GALNT13: variants seen among roughly 807,000 people sequenced by gnomAD.
The protein encoded by GALNT13 is polypeptide N-acetylgalactosaminyltransferase 13, also known as UDP-GalNAc:polypeptide N-acetylgalactosaminyltransferase 13.
GALNT13 carries 28 observed loss-of-function variants against 64.2 expected under a neutral mutation model. The observed-to-expected ratio is 0.44, with a 90% CI of 0.32 to 0.60. GALNT13 has a LOEUF of 0.60. Ranked by LOEUF, GALNT13 falls within the 20% of genes least tolerant of loss-of-function variation. The probability of loss-of-function intolerance (pLI) is 0.05; values close to 1 mark genes in which losing one functional copy is unlikely to be tolerated. For synonymous variants in GALNT13, 214 were observed against 224.6 expected, an observed-to-expected ratio of 0.95 and a Z score of 0.42; for missense variants, 577 against 669.8, an observed-to-expected ratio of 0.86 and a Z score of 1.53.
At chr2:153,749,190 T>A in the GALNT13 span, among the ~76,000 whole-genome samples, 15 of 152,020 alleles carry the variant, frequency 9.9e-5, no homozygotes, top group African/African-American at 3.6e-4. Context: ...TTGGTCTATG[T>A]GTCTGTTTTC....
chr2:154,434,250 G>A (rs1433443220), intron 11 of GALNT13, among the ~76,000 whole-genome samples: 1 of 152,162 alleles, frequency 6.6e-6, no homozygotes, highest in Non-Finnish European at 1.5e-5. Context: ...TTATTACAGT[G>A]ATTAGTTTGT....
rs546144144 is a variant in GALNT13 at position 154,049,797 on chromosome 2, C to T, written c.143-90540C>T. 3.9e-5 allele frequency among the ~76,000 whole-genome samples: 6 copies of T among 151,974 alleles called. No homozygotes were observed. The East Asian group carries it at 1.2e-3, about 29-fold the overall frequency. On this transcript the variant is annotated intron_variant, in intron 3 of 12. Transcript: ENST00000392825. The stretch of plus-strand genomic sequence containing the variant: ...GGTTGTCTATTACTGATTATGTAGT[C>T]TCTAAGAAATCTTTTTCTTTTGTTG...
chr2:153,199,227 C>T, the GALNT13 span, among the ~76,000 whole-genome samples: 1 of 152,232 alleles, frequency 6.6e-6, no homozygotes, highest in African/African-American at 2.4e-5. Context: ...TAATATTGGG[C>T]TACCAAAATG....
the GALNT13 span, among the ~76,000 whole-genome samples, chr2:153,719,980 G>A: frequency 1.9e-3 from 288 of 151,886 alleles, no homozygotes; most frequent in South Asian, 3.7e-3. Context: ...AGGCCTGCCT[G>A]CCTCTATAGG....
the GALNT13 span, among the ~76,000 whole-genome samples, chr2:153,239,685 CATG>C: frequency 6.6e-6 from 1 of 152,088 alleles, no homozygotes; most frequent in African/African-American, 2.4e-5. Flanking sequence ...CACACTTAGT[CATG>C]ATGAATAATC....
intron 3 of GALNT13, among the ~76,000 whole-genome samples, chr2:154,077,699 T>C (rs1314762794): frequency 2.6e-5 from 4 of 151,494 alleles, no homozygotes; most frequent in Non-Finnish European, 5.9e-5. Context: ...TTCTTAGTCA[T>C]TGACATCAAG....
rs568414898 is a variant in GALNT13, at chr2:153,997,807, C to T, written c.142+53168C>T. Among the ~76,000 whole-genome samples, 54 of 152,196 alleles carry T rather than the reference C, an allele frequency of 3.5e-4. No homozygotes were observed. The South Asian group carries it at 0.01, about 29-fold the overall frequency. ...ATCCCTTCCCTAGCCCCCGAGCCCC[C>T]GACAGACCCTGGTGTGTGGTGTTCC... On this transcript the variant is annotated intron_variant, in intron 3 of 12. Coordinates refer to ENST00000392825, the MANE Select transcript of GALNT13 (RefSeq NM_052917.4).
chr2:154,327,022 C>A (rs1694909133), intron 9 of GALNT13, among the ~76,000 whole-genome samples: 1 of 152,056 alleles, frequency 6.6e-6, no homozygotes, highest in African/African-American at 2.4e-5. Flanking sequence ...CAGATCTCAT[C>A]TTGAATTGAA....
chr2:153,352,088 A>G, the GALNT13 span, among the ~76,000 whole-genome samples: 1 of 152,154 alleles, frequency 6.6e-6, no homozygotes, highest in Non-Finnish European at 1.5e-5. Context: ...AAAGAATGAG[A>G]GTTCCTGTTG....
At chr2:153,736,694 G>A in the GALNT13 span, among the ~76,000 whole-genome samples, 2 of 152,184 alleles carry the variant, frequency 1.3e-5, no homozygotes, top group African/African-American at 2.4e-5. Flanking sequence ...GGTTCACACT[G>A]ACACATCCAA....
intron 4 of GALNT13, among the ~76,000 whole-genome samples, chr2:154,201,795 T>C (rs2105780720): frequency 6.6e-6 from 1 of 152,234 alleles, no homozygotes; most frequent in East Asian, 1.9e-4. Flanking sequence ...AGGCATCTAA[T>C]TGAGCAAGTA....
intron 8 of GALNT13, among the ~76,000 whole-genome samples, chr2:154,288,624 T>A (rs1303361636): frequency 1.3e-5 from 2 of 152,142 alleles, no homozygotes; most frequent in East Asian, 3.9e-4. Context: ...TTGGCCCAAA[T>A]GAAGAGGCCT....
the GALNT13 span, among the ~76,000 whole-genome samples, chr2:153,774,704 G>A: frequency 6.6e-6 from 1 of 152,044 alleles, no homozygotes; most frequent in South Asian, 2.1e-4. Context: ...AGACCAGCCT[G>A]AGCAACAATG....
chr2:153,358,344 A>G, the GALNT13 span, among the ~76,000 whole-genome samples: 1 of 152,232 alleles, frequency 6.6e-6, no homozygotes, highest in Non-Finnish European at 1.5e-5. Flanking sequence ...CGTCACTAGC[A>G]GAAGGTAATG....
the GALNT13 span, among the ~76,000 whole-genome samples, chr2:153,150,478 T>G: frequency 1.3e-5 from 2 of 152,146 alleles, no homozygotes; most frequent in Non-Finnish European, 2.9e-5. Context: ...TTTAGTTTAA[T>G]TAGATCCCAT....
At chr2:153,949,925 A>T (rs1692048450) in intron 3 of GALNT13, among the ~76,000 whole-genome samples, 1 of 152,088 alleles carries the variant, frequency 6.6e-6, no homozygotes, top group Non-Finnish European at 1.5e-5. Context: ...AAAGAGATGA[A>T]ATTGGATGCC....
chr2:153,539,638 A>G, the GALNT13 span, among the ~76,000 whole-genome samples: 4 of 151,638 alleles, frequency 2.6e-5, no homozygotes, highest in African/African-American at 7.3e-5. Context: ...AGCACCATTT[A>G]TTAAATAGGG....
chr2:153,889,371 G>GT (rs1287321364), intron 1 of GALNT13, among the ~76,000 whole-genome samples: 9 of 151,648 alleles, frequency 5.9e-5, no homozygotes, highest in African/African-American at 2.2e-4. Flanking sequence ...GTTCTAATCA[G>GT]TTTTAAGTTT....
chr2:153,133,696 GCAACA>G, the GALNT13 span, among the ~76,000 whole-genome samples: 5 of 152,074 alleles, frequency 3.3e-5, no homozygotes, highest in Admixed American at 2.0e-4. Flanking sequence ...ATAATTTAGG[GCAACA>G]CAACTTTCCA....
Sources: gnomAD v4.1 joint callset for allele counts (sites outside exome capture counted in the v4.1 genomes callset) on GRCh38, gnomAD v4.1.1 for gene constraint, MANE v1.5 for transcripts, NCBI Gene and HGNC (gene_info 2026-07-23, HGNC 2026-07-21) for gene names.